ANKHD1: variants seen among roughly 807,000 people sequenced by gnomAD.
ANKHD1 encodes the protein ankyrin repeat and KH domain-containing protein 1.
In ANKHD1, 31 loss-of-function variants were observed where a neutral mutation model predicts 230.5. The ratio of observed to expected loss-of-function variants is 0.13; its 90% CI spans 0.10 to 0.18. ANKHD1 has a LOEUF of 0.18. ANKHD1 is among the 10% of genes least tolerant of loss of function. The pLI is 1.00. For missense variants in ANKHD1, 2,256 were observed against 3,071.3 expected, an observed-to-expected ratio of 0.73 and a Z score of 6.27; for synonymous variants, 1,074 against 1,117.6, an observed-to-expected ratio of 0.96 and a Z score of 0.78.
intron 10 of ANKHD1, among the ~76,000 whole-genome samples, chr5:140,478,862 T>C (rs1751108983): frequency 6.6e-6 from 1 of 152,142 alleles, no homozygotes; most frequent in East Asian, 1.9e-4. Flanking sequence ...CAGGCTGGTC[T>C]GGAACTCCTG....
intron 1 of ANKHD1, among the ~76,000 whole-genome samples, chr5:140,423,311 T>C (rs929730836): frequency 6.6e-6 from 1 of 152,220 alleles, no homozygotes; most frequent in Non-Finnish European, 1.5e-5. Flanking sequence ...AATTTTCTCA[T>C]GGTTCTGTGA....
At chr5:140,465,294 T>A (rs2126981641) in intron 10 of ANKHD1, 1 of 152,366 alleles carries the variant, frequency 6.6e-6, no homozygotes, top group Non-Finnish European at 1.5e-5. Context: ...AAAACAAAGC[T>A]ACTATTGTTA....
At chr5:140,445,419 A>C (rs1774203943) in intron 5 of ANKHD1, among the ~76,000 whole-genome samples, 1 of 152,104 alleles carries the variant, frequency 6.6e-6, no homozygotes, top group Non-Finnish European at 1.5e-5. Context: ...CAGGAGGATC[A>C]CTTAAAGCTG....
At position 140,487,000 on chromosome 5, in the gene ANKHD1, C is replaced by T. The variant is rs1581326382; in HGVS notation, c.2185C>T (p.Pro729Ser). ...GCATACACTTGCCATGGTTGTACCT[C>T]CCCAGGAACCTGACAGAACTTCACA... ...PTHTLAMVVP[P>S]QEPDRTSQEN... The change falls in exon 14 of 34, where the codon CCC (proline) becomes TCC (serine). Residue 729 changes from proline (P) to serine (S), a missense_variant. By Grantham distance (74) the Pro-to-Ser change is moderately conservative. Coordinates refer to ENST00000360839, the MANE Select transcript of ANKHD1 (RefSeq NM_017747.3). 6.2e-7 allele frequency: 1 copy of T among 1,613,542 alleles called. No homozygotes were observed. The highest frequency in any genetic ancestry group is 8.5e-7 in the Non-Finnish European group (1 of 1,179,646).
rs1203750004 is a variant in ANKHD1, at chr5:140,438,555, AGCT to A, written c.564_566del (p.Ala189del). On this transcript the variant is annotated inframe_deletion, in exon 3 of 34. Transcript: ENST00000360839. ...CCTCAGTTAGTTGTGCACTGGATGA[AGCT>A]GCTGCTGCACTGACACGGATGAAAG... 6.2e-7 allele frequency: 1 copy of A among 1,613,406 alleles called. No individual in the cohort carries two copies. Among genetic ancestry groups the A allele is most frequent in the Non-Finnish European group, 8.5e-7 (1 of 1,179,588 alleles).
At chr5:140,413,699 G>A (rs1245912290) in intron 1 of ANKHD1, among the ~76,000 whole-genome samples, 1 of 152,042 alleles carries the variant, frequency 6.6e-6, no homozygotes, top group East Asian at 1.9e-4. Flanking sequence ...AATTGTGTGT[G>A]TATATGTATG....
chr5:140,459,446 A>T, intron 9 of ANKHD1, 91 bp downstream of exon 9: 1 of 1,396,678 alleles, frequency 7.2e-7, no homozygotes, highest in Non-Finnish European at 9.4e-7. Context: ...CTCCTAGTAG[A>T]TAATAGAATG....
At chr5:140,487,091 G>T (rs761352300) in intron 14 of ANKHD1, 31 bp downstream of exon 14, 1 of 1,592,100 alleles carries the variant, frequency 6.3e-7, no homozygotes, top group Non-Finnish European at 8.6e-7. Context: ...TCTTAAAATG[G>T]GTATTTTTTC....
intron 24 of ANKHD1, among the ~76,000 whole-genome samples, chr5:140,519,097 A>T (rs539499787): frequency 6.6e-6 from 1 of 152,374 alleles, no homozygotes; most frequent in Non-Finnish European, 1.5e-5. Context: ...GTTTCAGGAT[A>T]CAAAATCAAT....
chr5:140,420,790 A>G (rs573267322), intron 1 of ANKHD1, among the ~76,000 whole-genome samples: 19 of 151,906 alleles, frequency 1.3e-4, no homozygotes, highest in African/African-American at 4.6e-4. Context: ...GTTATTTTTC[A>G]TTGTTGTTTT....
intron 1 of ANKHD1, among the ~76,000 whole-genome samples, chr5:140,413,032 A>G (rs1447559491): frequency 6.6e-6 from 1 of 152,232 alleles, no homozygotes; most frequent in Non-Finnish European, 1.5e-5. Context: ...ATCCCACTGT[A>G]TGCTAGTGAT....
Position 140,452,849 on chromosome 5 carries a change from C to T in ANKHD1, c.1242+3544C>T, listed in dbSNP as rs189485959. On this transcript the variant is annotated intron_variant, in intron 7 of 33. Coordinates refer to ENST00000360839, the MANE Select transcript of ANKHD1 (RefSeq NM_017747.3). The stretch of plus-strand genomic sequence containing the variant: ...AAGGAACGCAGCTCCTCACCAGCAA[C>T]GGAACAAAGCTGGATGGAGAATGAC... 2.3e-3 allele frequency among the ~76,000 whole-genome samples: 343 copies of T among 152,256 alleles called. 1 individual carries two copies. Among genetic ancestry groups the T allele is most frequent in the Middle Eastern group, 6.8e-3 (2 of 294 alleles).
chr5:140,407,305 A>G (rs993820539), intron 1 of ANKHD1, among the ~76,000 whole-genome samples: 1 of 151,566 alleles, frequency 6.6e-6, no homozygotes, highest in Admixed American at 6.6e-5. Flanking sequence ...CAAAAAAAAA[A>G]AAAAAACCAC....
chr5:140,496,482 T>TTATA, intron 14 of ANKHD1, 38 bp from the exon 15 acceptor site: 1 of 1,036,356 alleles, frequency 9.6e-7, no homozygotes. Context: ...TTTTTTTTTT[T>TTATA]AGCATGGCAC....
intron 6 of ANKHD1, among the ~76,000 whole-genome samples, chr5:140,448,141 A>G (rs575315034): frequency 6.6e-6 from 1 of 152,316 alleles, no homozygotes; most frequent in South Asian, 2.1e-4. Context: ...TTGAGGCTGC[A>G]GTGAGCTATG....
intron 15 of ANKHD1, among the ~76,000 whole-genome samples, chr5:140,500,665 A>AAAAAAAAAAAAAAAAAAAAG (rs748025095): frequency 8.7e-6 from 1 of 115,494 alleles, no homozygotes; most frequent in African/African-American, 3.1e-5. Context: ...AAAAAAAAAA[A>AAAAAAAAAAAAAAAAAAAAG]AAAAGAAAAG....
intron 1 of ANKHD1, among the ~76,000 whole-genome samples, chr5:140,430,904 G>T (rs1772992340): frequency 6.6e-6 from 1 of 152,046 alleles, no homozygotes; most frequent in African/African-American, 2.4e-5. Context: ...GGCTCAAGCA[G>T]TCCTCCTCCC....
chr5:140,444,653 AC>A (rs1176898295), intron 5 of ANKHD1, among the ~76,000 whole-genome samples: 1 of 152,218 alleles, frequency 6.6e-6, no homozygotes, highest in African/African-American at 2.4e-5. Flanking sequence ...TTTTAAAAAA[AC>A]AAACAAAAAA....
intron 24 of ANKHD1, among the ~76,000 whole-genome samples, chr5:140,516,767 C>A (rs1753031708): frequency 6.6e-6 from 1 of 151,400 alleles, no homozygotes; most frequent in Non-Finnish European, 1.5e-5. Context: ...CCAGGCCTGC[C>A]CTAAAAGAGC....
Sources: gnomAD v4.1 joint callset for allele counts (sites outside exome capture counted in the v4.1 genomes callset) on GRCh38, gnomAD v4.1.1 for gene constraint, MANE v1.5 for transcripts, NCBI Gene and HGNC (gene_info 2026-07-23, HGNC 2026-07-21) for gene names.